Variants in ANKS1B observed in about 807,000 individuals in gnomAD.
ANKS1B encodes ankyrin repeat and sterile alpha motif domain containing 1B.
ANKS1B carries 36 observed loss-of-function variants against 148.3 expected under a neutral mutation model. That is an observed-to-expected ratio of 0.24 (90% CI 0.19 to 0.32). The LOEUF is 0.32. ANKS1B is among the 10% of genes least tolerant of loss of function. The pLI, the probability that ANKS1B is intolerant of heterozygous loss-of-function variation, is 1.00. For missense variants in ANKS1B, 1,157 were observed against 1,542.6 expected (o/e 0.75, Z 4.19); for synonymous variants, 542 against 560.8 (o/e 0.97, Z 0.47).
intron 12 of ANKS1B, among the ~76,000 whole-genome samples, chr12:99,372,253 G>A (rs565778478): frequency 2.0e-5 from 3 of 151,850 alleles, no homozygotes; most frequent in South Asian, 4.2e-4. Context: ...GGAAATCTCT[G>A]TACCTTCCAC....
chr12:98,981,400 A>G (rs889135313), intron 17 of ANKS1B, among the ~76,000 whole-genome samples: 3 of 152,074 alleles, frequency 2.0e-5, no homozygotes, highest in Non-Finnish European at 4.4e-5. Flanking sequence ...CAATGGCACG[A>G]TGTCAGCTCA....
intron 17 of ANKS1B, among the ~76,000 whole-genome samples, chr12:99,045,280 A>AT (rs915388018): frequency 5.9e-5 from 9 of 152,006 alleles, no homozygotes; most frequent in South Asian, 2.1e-4. Context: ...TAAAAAATTA[A>AT]TTTTTTTTGC....
intron 22 of ANKS1B, among the ~76,000 whole-genome samples, chr12:98,796,447 T>A (rs1355304310): frequency 6.6e-6 from 1 of 152,172 alleles, no homozygotes; most frequent in East Asian, 1.9e-4. Flanking sequence ...GCCACCATGC[T>A]GAGAACAGAG....
At chr12:99,137,048 C>G (rs2153782488) in intron 15 of ANKS1B, among the ~76,000 whole-genome samples, 1 of 152,246 alleles carries the variant, frequency 6.6e-6, no homozygotes, top group Middle Eastern at 3.4e-3. Flanking sequence ...TTCAAGGACA[C>G]AAGAGAAGAC....
chr12:99,623,086 G>A (rs888967600), intron 9 of ANKS1B, among the ~76,000 whole-genome samples: 2 of 151,978 alleles, frequency 1.3e-5, no homozygotes, highest in Admixed American at 6.6e-5. Flanking sequence ...GGGATGCAAA[G>A]TTGGCTCAAT....
intron 1 of ANKS1B, among the ~76,000 whole-genome samples, chr12:99,954,351 ACCTTCAAAGTTCT>A (rs1183965601): frequency 6.6e-6 from 1 of 152,202 alleles, no homozygotes; most frequent in Non-Finnish European, 1.5e-5. Context: ...TTCTTAACTG[ACCTTCAAAGTTCT>A]CCTCAACTAT....
chr12:99,149,593 G>T (rs1259247043), intron 15 of ANKS1B, among the ~76,000 whole-genome samples: 1 of 152,012 alleles, frequency 6.6e-6, no homozygotes, highest in African/African-American at 2.4e-5. Context: ...AAAATGAGTT[G>T]GTAATAATTT....
intron 15 of ANKS1B, among the ~76,000 whole-genome samples, chr12:99,094,522 T>C (rs2055221390): frequency 6.6e-6 from 1 of 152,208 alleles, no homozygotes; most frequent in African/African-American, 2.4e-5. Flanking sequence ...AGATCTATGT[T>C]AGAAAGACTG....
At chr12:98,819,021 C>T (rs1308695230) in intron 19 of ANKS1B, among the ~76,000 whole-genome samples, 1 of 152,136 alleles carries the variant, frequency 6.6e-6, no homozygotes, top group Non-Finnish European at 1.5e-5. Context: ...CTTTAATCAA[C>T]ACTTCACTCA....
At chr12:99,975,418 G>A (rs556907168) in intron 1 of ANKS1B, among the ~76,000 whole-genome samples, 7 of 152,308 alleles carry the variant, frequency 4.6e-5, no homozygotes, top group South Asian at 2.1e-4. Context: ...GGTCCATGAC[G>A]TTAGAGGATA....
At chr12:99,084,275 A>G (rs1286758149) in intron 16 of ANKS1B, among the ~76,000 whole-genome samples, 1 of 152,130 alleles carries the variant, frequency 6.6e-6, no homozygotes, top group Non-Finnish European at 1.5e-5. Flanking sequence ...TCCTGCACCC[A>G]CCCAATATGA....
At chr12:99,599,643 A>C (rs1400900976) in intron 9 of ANKS1B, among the ~76,000 whole-genome samples, 1 of 152,068 alleles carries the variant, frequency 6.6e-6, no homozygotes, top group Non-Finnish European at 1.5e-5. Flanking sequence ...AATATAGAGA[A>C]AAGAACAAGG....
At chr12:99,502,012 T>C (rs141884177) in intron 10 of ANKS1B, among the ~76,000 whole-genome samples, 2 of 152,290 alleles carry the variant, frequency 1.3e-5, no homozygotes, top group Non-Finnish European at 2.9e-5. Context: ...CCTTGTTATC[T>C]GTGTCCATGT....
chr12:99,312,179 C>T (rs991030010), intron 12 of ANKS1B, among the ~76,000 whole-genome samples: 10 of 152,220 alleles, frequency 6.6e-5, no homozygotes, highest in African/African-American at 2.4e-4. Flanking sequence ...CAGTTTTGCA[C>T]AAAGGGCTAT....
intron 8 of ANKS1B, among the ~76,000 whole-genome samples, chr12:99,738,125 T>C (rs2059781046): frequency 6.6e-6 from 1 of 152,176 alleles, no homozygotes; most frequent in African/African-American, 2.4e-5. Flanking sequence ...AACACAGACA[T>C]GGAATTTATA....
At chr12:99,318,548 G>T (rs879997747) in intron 12 of ANKS1B, among the ~76,000 whole-genome samples, 2 of 151,996 alleles carry the variant, frequency 1.3e-5, no homozygotes, top group Non-Finnish European at 2.9e-5. Context: ...GTGTCTATTT[G>T]ATTCTTCTCT....
At chr12:99,198,961 A>G (rs1330432220) in intron 14 of ANKS1B, among the ~76,000 whole-genome samples, 1 of 152,212 alleles carries the variant, frequency 6.6e-6, no homozygotes, top group Non-Finnish European at 1.5e-5. Flanking sequence ...CTAGGGGATG[A>G]TAGATACCAT....
At chr12:98,783,169 G>T (rs1184755902) in intron 22 of ANKS1B, among the ~76,000 whole-genome samples, 1 of 152,236 alleles carries the variant, frequency 6.6e-6, no homozygotes, top group Non-Finnish European at 1.5e-5. Context: ...ATATTCAGAT[G>T]AAAATCTATT....
intron 12 of ANKS1B, among the ~76,000 whole-genome samples, chr12:99,286,972 A>T (rs78370175): frequency 0.025 from 3,765 of 151,894 alleles, 76 homozygotes; most frequent in Non-Finnish European, 0.035. Flanking sequence ...GCCAGGGGGG[A>T]GCTCACCACC....
Sources: allele counts gnomAD v4.1 joint callset (sites outside exome capture counted in the v4.1 genomes callset), GRCh38; gene constraint gnomAD v4.1.1; transcripts MANE v1.5; gene names NCBI Gene and HGNC (gene_info 2026-07-23, HGNC 2026-07-21).